The following THEM6 variants were observed in gnomAD, a reference collection of about 807,000 sequenced individuals.
THEM6 encodes thioesterase superfamily member 6, also known as protein THEM6.
A neutral mutation model predicts 13.7 loss-of-function variants in THEM6; 10 were observed. The observed-to-expected ratio is 0.73, with a 90% CI of 0.45 to 1.24. THEM6 has a LOEUF of 1.24. Ranked by LOEUF, THEM6 falls within the 50% of genes most tolerant of loss-of-function variation. The pLI is 0.00. For missense variants in THEM6, 317 were observed against 312.6 expected, an observed-to-expected ratio of 1.01 and a Z score of -0.11; for synonymous variants, 161 against 156.0, an observed-to-expected ratio of 1.03 and a Z score of -0.24.
chr8:142,727,666 A>T lies in THEM6; in HGVS notation c.320A>T (p.His107Leu), dbSNP rs1554642496. Residue 107 changes from histidine (H) to leucine (L), a missense_variant, in exon 1 of 2, where the codon CAC becomes CTC. Physicochemically the swap from His to Leu is moderately conservative, Grantham distance 99 (BLOSUM62 -3). Coordinates refer to ENST00000336138, the MANE Select transcript of THEM6 (RefSeq NM_016647.3). ...HTVLAASCAR[H>L]RRSLRLLEPF... ...GTGCTGGCGGCCTCGTGCGCGCGCCACCGCCGCTCGCTGCGCCTGCTGGAG... is the reference window on the plus strand; with the variant it reads ...GTGCTGGCGGCCTCGTGCGCGCGCCTCCGCCGCTCGCTGCGCCTGCTGGAG... The T allele has an allele frequency of 3.5e-6, 5 of 1,433,924 alleles. No homozygotes were observed. The highest frequency in any genetic ancestry group is 1.5e-5 in the African/African-American group (1 of 66,536). The allele number at this position is 1,433,924 out of a possible 1,614,324, so 88.8% of individuals were successfully genotyped here. A position where few individuals can be genotyped will look rare whatever the true frequency, so the allele number is the denominator to read the frequency against.
Position 142,736,311 on chromosome 8 carries a change from C to T in THEM6, c.*872C>T, listed in dbSNP as rs587744805. The stretch of plus-strand genomic sequence containing the variant: ...GGGCTGATCCCCACCCTTTCTGGGC[C>T]TACAGCACCACAGGCCGCTGTACCC... On this transcript the variant is annotated 3_prime_UTR_variant, in exon 2 of 2. Transcript: ENST00000336138. 2 of 152,692 alleles carry T rather than the reference C, an allele frequency of 1.3e-5. No individual in the cohort carries two copies. The highest frequency in any genetic ancestry group is 2.1e-4 in the South Asian group (1 of 4,836). The allele number at this position is 152,692 out of a possible 1,614,324, so 9.5% of individuals were successfully genotyped here. A position where few individuals can be genotyped will look rare whatever the true frequency, so the allele number is the denominator to read the frequency against.
chr8:142,732,475 G>A (rs1167124230), intron 1 of THEM6, among the ~76,000 whole-genome samples: 1 of 151,660 alleles, frequency 6.6e-6, no homozygotes, highest in African/African-American at 2.4e-5. Context: ...CTACAGAACC[G>A]GAACCATGGA....
In THEM6 at chr8:142,727,236, C is replaced by A. The variant is rs1468483701; in HGVS notation, c.-111C>A. 3.5e-6 allele frequency: 4 copies of A among 1,152,820 alleles called. No homozygotes were observed. Among genetic ancestry groups the A allele is most frequent in the Non-Finnish European group, 4.5e-6 (4 of 880,068 alleles). The allele number at this position is 1,152,820 out of a possible 1,614,324, so 71.4% of individuals were successfully genotyped here. ...CCCTCGCGCTGTGGTTCGCTCCGGG[C>A]GCGCTGCGCTCGTGAGTTCCCAGGA... On this transcript the variant is annotated 5_prime_UTR_variant, in exon 1 of 2. Transcript: ENST00000336138.
At chr8:142,730,801 G>A (rs782055166) in intron 1 of THEM6, among the ~76,000 whole-genome samples, 55 of 149,964 alleles carry the variant, frequency 3.7e-4, no homozygotes, top group Non-Finnish European at 5.5e-4. Flanking sequence ...CTGGAGTGCA[G>A]TGGCGCAATC....
Position 142,727,698 on chromosome 8 carries a change from G to T in THEM6, c.352G>T (p.Glu118Ter). ...RRSLRLLEPF[E>*]VRTRLLGWDD... ...CTCGCTGCGCCTGCTGGAGCCCTTC[G>T]AGGTGCGCACCCGCCTGCTGGGCTG... Residue 118 changes from glutamate to a stop codon, truncating the protein, a stop_gained, in exon 1 of 2, where the codon GAG becomes TAG. Coordinates refer to ENST00000336138, the MANE Select transcript of THEM6 (RefSeq NM_016647.3). LOFTEE classifies it high-confidence loss of function. The T allele has an allele frequency of 7.0e-7, 1 of 1,433,584 alleles. No individual in the cohort carries two copies. The highest frequency in any genetic ancestry group is 1.5e-5 in the South Asian group (1 of 68,934). The allele number at this position is 1,433,584 out of a possible 1,614,324, so 88.8% of individuals were successfully genotyped here. A position where few individuals can be genotyped will look rare whatever the true frequency, so the allele number is the denominator to read the frequency against.
At chr8:142,731,992 G>A (rs1815654980) in intron 1 of THEM6, among the ~76,000 whole-genome samples, 1 of 150,398 alleles carries the variant, frequency 6.6e-6, no homozygotes, top group African/African-American at 2.4e-5. Flanking sequence ...CTTTTTTTCT[G>A]ACTTCCTCTC....
intron 1 of THEM6, among the ~76,000 whole-genome samples, chr8:142,730,348 T>C (rs1184461138): frequency 6.6e-6 from 1 of 152,234 alleles, no homozygotes; most frequent in African/African-American, 2.4e-5. Flanking sequence ...AGGCTGGTGC[T>C]GGTGTACTGG....
chr8:142,732,202 ATATAT>A (rs1815664063), intron 1 of THEM6, among the ~76,000 whole-genome samples: 1 of 102,632 alleles, frequency 9.7e-6, no homozygotes. Flanking sequence ...ATATATATAT[ATATAT>A]TTTAACTACT....
rs1815531446 is a variant in THEM6, at chr8:142,727,672, G to C, written c.326G>C (p.Arg109Pro). 1 of 1,432,532 alleles carries C rather than the reference G, an allele frequency of 7.0e-7. No homozygotes were observed. Among genetic ancestry groups the C allele is most frequent in the Non-Finnish European group, 9.0e-7 (1 of 1,105,068 alleles). 88.7% of individuals were successfully genotyped at this position (1,432,532 alleles called of 1,614,324 possible). A position where few individuals can be genotyped will look rare whatever the true frequency, so the allele number is the denominator to read the frequency against. ...GCGGCCTCGTGCGCGCGCCACCGCC[G>C]CTCGCTGCGCCTGCTGGAGCCCTTC... ...VLAASCARHR[R>P]SLRLLEPFEV... is the part of the protein sequence containing the mutation. The change falls in exon 1 of 2, where the codon CGC becomes CCC. Residue 109 changes from arginine (R) to proline (P), a missense_variant. Arg to Pro is a moderately radical substitution (Grantham distance 103). Transcript: ENST00000336138.
Position 142,727,329 on chromosome 8 carries a change from GCGCCCGCCGCCGC to G in THEM6, c.-14_-2del, listed in dbSNP as rs1587578400. The G allele has an allele frequency of 2.0e-6, 3 of 1,500,110 alleles. No individual in the cohort carries two copies. The highest frequency in any genetic ancestry group is 2.6e-6 in the Non-Finnish European group (3 of 1,132,254). 92.9% of individuals were successfully genotyped at this position (1,500,110 alleles called of 1,614,324 possible). ...GGCGCCACGGACTCCGCAGGACCCC[GCGCCCGCCGCCGC>G]CGCTATGCTGGGGCTGCTGGTGGCG... On this transcript the variant is annotated 5_prime_UTR_variant, in exon 1 of 2. Transcript: ENST00000336138.
chr8:142,735,358 GCA>G lies in THEM6; in HGVS notation c.548_549del (p.His183LeufsTer20). On this transcript the variant is annotated frameshift_variant, in exon 2 of 2. Coordinates refer to ENST00000336138, the MANE Select transcript of THEM6 (RefSeq NM_016647.3). LOFTEE classifies it high-confidence loss of function. ...CCCCTGAGCTGCCCGCTGATCTGCA[GCA>G]CTGGATCTCCTACAACGAGGCCAGC... Reference protein sequence around the residue: ...EPPELPADLQHWISYNEASSQ... With the variant: ...EPPELPADLQXWISYNEASSQ... 1.9e-6 allele frequency: 3 copies of G among 1,573,132 alleles called. No homozygotes were observed. The highest frequency in any genetic ancestry group is 2.6e-6 in the Non-Finnish European group (3 of 1,159,412).
chr8:142,727,747 A>T lies in THEM6; in HGVS notation c.401A>T (p.Glu134Val). Reference protein sequence around the residue: ...LGWDDRAFYLEARFVSLRDGF... With the variant: ...LGWDDRAFYLVARFVSLRDGF... ...TGGGACGACCGCGCGTTCTACCTGG[A>T]GGCGCGCTTTGTCAGCCTGCGGGAC... is the stretch of plus-strand genomic sequence containing the variant. The change falls in exon 1 of 2, where the codon GAG becomes GTG. Residue 134 changes from glutamate to valine, a missense_variant. Physicochemically the swap from Glu to Val is moderately radical, Grantham distance 121. Coordinates refer to ENST00000336138, the MANE Select transcript of THEM6 (RefSeq NM_016647.3). The T allele has an allele frequency of 4.1e-6, 6 of 1,450,086 alleles. No homozygotes were observed. In the South Asian group the frequency reaches 8.3e-5, roughly 20 times the overall value. The allele number at this position is 1,450,086 out of a possible 1,614,324, so 89.8% of individuals were successfully genotyped here.
In THEM6 at chr8:142,727,527, C is replaced by T. The variant is rs1413230051; in HGVS notation, c.181C>T (p.Leu61=). The T allele has an allele frequency of 3.8e-6, 6 of 1,579,038 alleles. No individual in the cohort carries two copies. The highest frequency in any genetic ancestry group is 4.7e-5 in the East Asian group (2 of 42,836). ...PGRVLPSDLD[L]LLHMNNARYL... ...CCGCGTGCTGCCCTCGGACTTGGAC[C>T]TGCTGCTGCACATGAACAACGCGCG... The change falls in exon 1 of 2, where the codon CTG becomes TTG. Residue 61 remains leucine, a synonymous_variant. Transcript: ENST00000336138.
intron 1 of THEM6, chr8:142,734,679 G>C (rs965534959): frequency 1.3e-5 from 2 of 153,044 alleles, no homozygotes; most frequent in East Asian, 3.9e-4. Context: ...TGGGGGTCAC[G>C]ACTCATCTGC....
Position 142,727,453 on chromosome 8 carries a change from T to A in THEM6, c.107T>A (p.Leu36Gln). The A allele has an allele frequency of 6.4e-7, 1 of 1,562,330 alleles. No homozygotes were observed. Among genetic ancestry groups the A allele is most frequent in the Non-Finnish European group, 8.6e-7 (1 of 1,161,738 alleles). ...CCGTGCGCCGTGCTGCGCGCGCGCC[T>A]GCTGCAGCCGCGCGTCCGTGACCTG... ...RLPCAVLRAR[L>Q]LQPRVRDLLA... The change falls in exon 1 of 2, where the codon CTG becomes CAG. Residue 36 changes from leucine to glutamine, a missense_variant. Transcript: ENST00000336138.
chr8:142,734,276 A>ATT (rs2130002297), intron 1 of THEM6, among the ~76,000 whole-genome samples: 1 of 98,488 alleles, frequency 1.0e-5, no homozygotes, highest in African/African-American at 4.1e-5. Flanking sequence ...CAGGTGCTGG[A>ATT]CTCTATGTCT....
In THEM6 at chr8:142,727,270, GGGCACCGTAACCAGCGCCGCGGACACC is replaced by G; in HGVS notation, c.-69_-43del. 3.7e-6 allele frequency: 5 copies of G among 1,351,992 alleles called. No homozygotes were observed. Among genetic ancestry groups the G allele is most frequent in the Non-Finnish European group, 4.8e-6 (5 of 1,048,698 alleles). The allele number at this position is 1,351,992 out of a possible 1,614,324, so 83.7% of individuals were successfully genotyped here. A position where few individuals can be genotyped will look rare whatever the true frequency, so the allele number is the denominator to read the frequency against. On this transcript the variant is annotated 5_prime_UTR_variant, in exon 1 of 2. Coordinates refer to ENST00000336138, the MANE Select transcript of THEM6 (RefSeq NM_016647.3). Reference sequence around the variant, plus strand: ...CTCGTGAGTTCCCAGGAGGCCTGGCGGGCACCGTAACCAGCGCCGCGGACACCGGCACCGGCGCCACGGACTCCGCAG... The same window carrying G: ...CTCGTGAGTTCCCAGGAGGCCTGGCGGGCACCGGCGCCACGGACTCCGCAG...
At chr8:142,735,209 T>C (rs1428890708) in intron 1 of THEM6, 117 bp from the exon 2 acceptor site, 6 of 745,446 alleles carry the variant, frequency 8.0e-6, no homozygotes, top group Admixed American at 4.2e-5. Context: ...GGGCAAAGCA[T>C]GGCAGGCGGC....
chr8:142,734,962 G>A (rs1469211987), intron 1 of THEM6: 2 of 223,976 alleles, frequency 8.9e-6, no homozygotes, highest in African/African-American at 4.5e-5. Flanking sequence ...AGAGAACTCA[G>A]TGAGCCCTGT....
Sources: allele counts gnomAD v4.1 joint callset (sites outside exome capture counted in the v4.1 genomes callset), GRCh38; gene constraint gnomAD v4.1.1; transcripts MANE v1.5; gene names NCBI Gene and HGNC (gene_info 2026-07-23, HGNC 2026-07-21).